The following CD8B2 variants were observed in gnomAD, a reference collection of about 807,000 sequenced individuals.
The protein encoded by CD8B2 is T-cell surface glycoprotein CD8 beta-2 chain.
In CD8B2, 11 loss-of-function variants were observed where a neutral mutation model predicts 23.7. The observed-to-expected ratio is 0.46, with a 90% CI of 0.29 to 0.77. The LOEUF is 0.77. Among genes scored for constraint, CD8B2 ranks in the 30% least tolerant of loss-of-function variants. The pLI is 0.09. For missense variants in CD8B2, 197 were observed against 270.5 expected (o/e 0.73, Z 1.91); for synonymous variants, 90 against 109.3 (o/e 0.82, Z 1.10).
At chr2:106,500,119 G>GTCCA (rs1256329256) in intron 3 of CD8B2, among the ~76,000 whole-genome samples, 1 of 56,268 alleles carries the variant, frequency 1.8e-5, no homozygotes, top group East Asian at 4.0e-4. Context: ...GAGGATCTGT[G>GTCCA]TCCACACCCT....
intron 5 of CD8B2, among the ~76,000 whole-genome samples, chr2:106,542,692 A>G (rs1430147898): frequency 3.4e-5 from 5 of 147,908 alleles, no homozygotes; most frequent in African/African-American, 4.9e-5. Context: ...TATATATGAA[A>G]TATATATTAT....
At chr2:106,493,887 G>C (rs964161721) in intron 2 of CD8B2, among the ~76,000 whole-genome samples, 1 of 152,188 alleles carries the variant, frequency 6.6e-6, no homozygotes, top group Non-Finnish European at 1.5e-5. Flanking sequence ...AACAGTGCCT[G>C]CCCCAAAAGT....
At chr2:106,502,635 T>C (rs1034483043) in intron 4 of CD8B2, 72 bp downstream of exon 4, 3 of 807,242 alleles carry the variant, frequency 3.7e-6, no homozygotes, top group African/African-American at 3.6e-5. Context: ...TACTTTCTTC[T>C]CTAGGGGAGC....
chr2:106,537,944 A>T (rs1680114646), intron 5 of CD8B2: 1 of 152,180 alleles, frequency 6.6e-6, no homozygotes, highest in Non-Finnish European at 1.5e-5. Flanking sequence ...ATGTAAAATA[A>T]ATGAGAAGTC....
At chr2:106,511,660 C>A (rs1045325494), downstream of CD8B2, among the ~76,000 whole-genome samples, 1 of 152,078 alleles carries the variant, frequency 6.6e-6, no homozygotes, top group African/African-American at 2.4e-5. Flanking sequence ...AAAGCTGATC[C>A]GAATCTACCA....
At chr2:106,505,665 C>T (rs11685519) in intron 5 of CD8B2, among the ~76,000 whole-genome samples, 4,847 of 152,280 alleles carry the variant, frequency 0.032, 98 homozygotes, top group African/African-American at 0.039. Context: ...CACTGTTGTA[C>T]ACATTATATT....
downstream of CD8B2, among the ~76,000 whole-genome samples, chr2:106,515,557 A>G (rs1679716637): frequency 6.6e-6 from 1 of 152,134 alleles, no homozygotes; most frequent in Non-Finnish European, 1.5e-5. Flanking sequence ...GCCATCTATG[A>G]AGTAGAAAGT....
At chr2:106,506,499 G>T in intron 5 of CD8B2, among the ~76,000 whole-genome samples, 1 of 151,784 alleles carries the variant, frequency 6.6e-6, no homozygotes, top group South Asian at 2.1e-4. Flanking sequence ...AACCACCTCT[G>T]GTTTTGCTCT....
intron 5 of CD8B2, chr2:106,535,201 T>C (rs567909777): frequency 6.6e-6 from 1 of 152,336 alleles, no homozygotes; most frequent in South Asian, 2.1e-4. Flanking sequence ...TTCCTCTCCA[T>C]GTGTGTTACT....
At chr2:106,527,479 C>T (rs1360848963) in intron 5 of CD8B2, among the ~76,000 whole-genome samples, 1 of 152,162 alleles carries the variant, frequency 6.6e-6, no homozygotes, top group Admixed American at 6.6e-5. Context: ...TCCCCTATTC[C>T]GAGCCAATAA....
chr2:106,520,234 A>C (rs1679802886), intron 5 of CD8B2, among the ~76,000 whole-genome samples: 1 of 152,258 alleles, frequency 6.6e-6, no homozygotes, highest in African/African-American at 2.4e-5. Flanking sequence ...TCTGAGACCC[A>C]ATAAATAAAA....
At chr2:106,495,614 A>G (rs1049216569) in intron 2 of CD8B2, among the ~76,000 whole-genome samples, 1 of 152,200 alleles carries the variant, frequency 6.6e-6, no homozygotes, top group Non-Finnish European at 1.5e-5. Flanking sequence ...GTGGCTCCAG[A>G]GCCTTCCTCT....
intron 5 of CD8B2, among the ~76,000 whole-genome samples, chr2:106,523,006 G>C (rs1326415847): frequency 1.3e-5 from 2 of 152,136 alleles, no homozygotes; most frequent in East Asian, 3.9e-4. Context: ...GATTTTAAAG[G>C]GCCTAAATTT....
intron 5 of CD8B2, among the ~76,000 whole-genome samples, chr2:106,526,828 G>A (rs1024074980): frequency 6.6e-6 from 1 of 152,052 alleles, no homozygotes; most frequent in African/African-American, 2.4e-5. Flanking sequence ...TTTTAGTAGA[G>A]ACAGGGTTTC....
intron 5 of CD8B2, among the ~76,000 whole-genome samples, chr2:106,534,187 C>T (rs1314182740): frequency 6.6e-6 from 1 of 152,108 alleles, no homozygotes; most frequent in African/African-American, 2.4e-5. Context: ...ACTCATGCTC[C>T]CCAGCCTTCA....
chr2:106,495,751 A>T (rs1679287134), intron 2 of CD8B2, among the ~76,000 whole-genome samples: 1 of 152,092 alleles, frequency 6.6e-6, no homozygotes, highest in Non-Finnish European at 1.5e-5. Flanking sequence ...CCTGGGGAAC[A>T]GTCATAAGGA....
At chr2:106,528,311 A>G (rs1679943709) in intron 5 of CD8B2, among the ~76,000 whole-genome samples, 1 of 152,186 alleles carries the variant, frequency 6.6e-6, no homozygotes, top group Admixed American at 6.5e-5. Flanking sequence ...GCCTAAACCA[A>G]GATAGTGAAG....
In CD8B2 at chr2:106,517,879, AT is replaced by A. The variant is rs561617270; in HGVS notation, c.620+13562del. On this transcript the variant is annotated intron_variant, in intron 5 of 5. Transcript: ENST00000416057. Reference sequence around the variant, plus strand: ...AGGCGCCCGCCACAACGCCCGGCTAATTTTTTTTGTAATTTTAGTAGAGACG... The same window carrying A: ...AGGCGCCCGCCACAACGCCCGGCTAATTTTTTTGTAATTTTAGTAGAGACG... 6.1e-4 allele frequency among the ~76,000 whole-genome samples: 92 copies of A among 151,744 alleles called. 1 individual carries two copies. The highest frequency in any genetic ancestry group is 2.2e-3 in the African/African-American group (89 of 41,392).
intron 5 of CD8B2, among the ~76,000 whole-genome samples, chr2:106,504,743 T>C (rs1164010110): frequency 6.6e-6 from 1 of 152,178 alleles, no homozygotes; most frequent in Admixed American, 6.5e-5. Flanking sequence ...ATGCACAGAA[T>C]ACCGCAGAGT....
Sources: allele counts gnomAD v4.1 joint callset (sites outside exome capture counted in the v4.1 genomes callset), GRCh38; gene constraint gnomAD v4.1.1; transcripts MANE v1.5; gene names NCBI Gene and HGNC (gene_info 2026-07-23, HGNC 2026-07-21).